The following SLC35F1 variants were observed in gnomAD, a reference collection of about 807,000 sequenced individuals.
SLC35F1 encodes the protein chromosome 6 open reading frame 169.
In SLC35F1, 14 loss-of-function variants were observed where a neutral mutation model predicts 48.7. The ratio of observed to expected loss-of-function variants is 0.29; its 90% CI spans 0.19 to 0.45. SLC35F1 has a LOEUF of 0.45. Among genes scored for constraint, SLC35F1 ranks in the 20% least tolerant of loss-of-function variants. The pLI is 1.00. For missense variants in SLC35F1, 404 were observed against 500.0 expected (o/e 0.81, Z 1.83); for synonymous variants, 190 against 202.2 (o/e 0.94, Z 0.51).
intron 1 of SLC35F1, among the ~76,000 whole-genome samples, chr6:118,111,901 A>G (rs1394204817): frequency 6.6e-6 from 1 of 152,146 alleles, no homozygotes; most frequent in Non-Finnish European, 1.5e-5. Context: ...GGCTAGGAAT[A>G]TGAGGCTGGG....
intron 3 of SLC35F1, 138 bp from the exon 4 acceptor site, chr6:118,266,848 TAAGTACATC>T (rs1775779708): frequency 2.6e-6 from 2 of 759,938 alleles, no homozygotes; most frequent in African/African-American, 1.7e-5. Flanking sequence ...GAGTCTGTTT[TAAGTACATC>T]AAGTCTGGGT....
intron 1 of SLC35F1, among the ~76,000 whole-genome samples, chr6:118,040,013 T>A (rs939113414): frequency 2.0e-5 from 3 of 152,134 alleles, no homozygotes; most frequent in Admixed American, 6.6e-5. Context: ...GTGGTTCAAA[T>A]CTCAGTTCAG....
chr6:118,228,177 A>G (rs555263539), intron 2 of SLC35F1, among the ~76,000 whole-genome samples: 2 of 152,214 alleles, frequency 1.3e-5, no homozygotes, highest in Admixed American at 6.5e-5. Context: ...AAATTTATTT[A>G]TCTTTTCTGT....
intron 1 of SLC35F1, among the ~76,000 whole-genome samples, chr6:118,152,687 T>A (rs532412779): frequency 1.3e-5 from 2 of 152,074 alleles, no homozygotes; most frequent in South Asian, 4.2e-4. Context: ...GGCCCAGAAG[T>A]CACATGACAT....
rs1270270329 is a variant in SLC35F1 at position 117,958,372 on chromosome 6, A to G, written c.173+50473A>G. On this transcript the variant is annotated intron_variant, in intron 1 of 7. Transcript: ENST00000360388. ...AATAAATGTAGTATAGCCTAAATGA[A>G]TCACGCTTATGGTCTACAGCGGTGC... Among the ~76,000 whole-genome samples, 3 of 152,170 alleles carry G rather than the reference A, an allele frequency of 2.0e-5. No homozygotes were observed. In the East Asian group the frequency reaches 5.8e-4, roughly 29 times the overall value.
At chr6:118,067,071 GTAAA>G (rs2114286643) in intron 1 of SLC35F1, among the ~76,000 whole-genome samples, 1 of 152,234 alleles carries the variant, frequency 6.6e-6, no homozygotes, top group East Asian at 1.9e-4. Flanking sequence ...CTCTAAAGCA[GTAAA>G]GTTCAAACAT....
intron 1 of SLC35F1, among the ~76,000 whole-genome samples, chr6:118,054,274 C>A (rs1038713408): frequency 6.6e-6 from 1 of 152,046 alleles, no homozygotes; most frequent in African/African-American, 2.4e-5. Context: ...AGAGAGGGAG[C>A]CCTGGGAACA....
chr6:118,007,064 C>A (rs1350632955), intron 1 of SLC35F1, among the ~76,000 whole-genome samples: 1 of 149,848 alleles, frequency 6.7e-6, no homozygotes, highest in Non-Finnish European at 1.5e-5. Flanking sequence ...AATTCATTTT[C>A]TGTTGCTTAT....
intron 7 of SLC35F1, among the ~76,000 whole-genome samples, chr6:118,301,783 G>A (rs772742892): frequency 5.9e-5 from 9 of 152,228 alleles, no homozygotes; most frequent in African/African-American, 1.4e-4. Context: ...CACAACTGCC[G>A]TGGACATGGC....
intron 7 of SLC35F1, among the ~76,000 whole-genome samples, chr6:118,307,495 G>A (rs1382870363): frequency 6.6e-6 from 1 of 152,096 alleles, no homozygotes; most frequent in East Asian, 1.9e-4. Flanking sequence ...GAGAAATAAG[G>A]GACATGAGAA....
intron 2 of SLC35F1, among the ~76,000 whole-genome samples, chr6:118,183,393 TGAC>T (rs1330892307): frequency 6.6e-6 from 1 of 152,018 alleles, no homozygotes; most frequent in Non-Finnish European, 1.5e-5. Context: ...AAAGAAATAA[TGAC>T]GAGTTAATGG....
intron 2 of SLC35F1, among the ~76,000 whole-genome samples, chr6:118,170,627 G>A (rs1036476248): frequency 6.1e-4 from 92 of 152,044 alleles, no homozygotes; most frequent in African/African-American, 2.1e-3. Context: ...TTTTTATACA[G>A]ACAGGGTTTC....
intron 7 of SLC35F1, among the ~76,000 whole-genome samples, chr6:118,297,740 A>AAATATATATATATAATATATATAT (rs1562354896): frequency 3.2e-4 from 33 of 102,816 alleles, no homozygotes; most frequent in South Asian, 9.0e-4. Flanking sequence ...AAGTTCTGAG[A>AAATATATATATATAATATATATAT]AATATATATA....
rs977363111 is a variant in SLC35F1, at chr6:118,317,474, T to G, written c.*3222T>G. The G allele has an allele frequency of 6.6e-6, 1 of 152,116 alleles. No homozygotes were observed. Among genetic ancestry groups the G allele is most frequent in the Middle Eastern group, 3.2e-3 (1 of 316 alleles). The allele number at this position is 152,116 out of a possible 1,614,324, so 9.4% of individuals were successfully genotyped here. A position where few individuals can be genotyped will look rare whatever the true frequency, so the allele number is the denominator to read the frequency against. On this transcript the variant is annotated 3_prime_UTR_variant, in exon 8 of 8. Transcript: ENST00000360388. The stretch of plus-strand genomic sequence containing the variant: ...TACAGATTTTACCCCATGGGTAGGA[T>G]TCTATTGTTAAGCCACATAACAAAG...
intron 1 of SLC35F1, among the ~76,000 whole-genome samples, chr6:118,018,223 T>C (rs4945607): frequency 0.64 from 96,771 of 151,794 alleles, 32,903 homozygotes; most frequent in South Asian, 0.81. Context: ...ATACAAAAAT[T>C]AGCAGGGCGC....
intron 1 of SLC35F1, among the ~76,000 whole-genome samples, chr6:118,114,574 C>T (rs941131744): frequency 5.3e-5 from 8 of 151,798 alleles, no homozygotes; most frequent in Non-Finnish European, 5.9e-5. Context: ...GATGGGCTTT[C>T]CTCGTGTTAG....
intron 2 of SLC35F1, among the ~76,000 whole-genome samples, chr6:118,181,631 AC>A (rs1582715905): frequency 6.6e-6 from 1 of 152,104 alleles, no homozygotes; most frequent in African/African-American, 2.4e-5. Flanking sequence ...CAATGCACAA[AC>A]TTTTCCAGTT....
At chr6:117,995,698 A>T (rs1776976633) in intron 1 of SLC35F1, among the ~76,000 whole-genome samples, 1 of 151,996 alleles carries the variant, frequency 6.6e-6, no homozygotes, top group Non-Finnish European at 1.5e-5. Context: ...CCTAGATTGC[A>T]CCACTGCACT....
In SLC35F1 at chr6:118,290,992, A is replaced by G. The variant is rs528658212; in HGVS notation, c.1002+5654A>G. ...GTATTTTTAGTAGAGACGGATTTTC[A>G]CTATGTTGGCCAGCCTGGTCTCGAC... On this transcript the variant is annotated intron_variant, in intron 7 of 7. Transcript: ENST00000360388. Among the ~76,000 whole-genome samples the G allele has an allele frequency of 2.0e-5, 3 of 151,894 alleles. No individual in the cohort carries two copies. The South Asian group carries it at 6.3e-4, about 32-fold the overall frequency.
Sources: gnomAD v4.1 joint callset for allele counts (sites outside exome capture counted in the v4.1 genomes callset) on GRCh38, gnomAD v4.1.1 for gene constraint, MANE v1.5 for transcripts, NCBI Gene and HGNC (gene_info 2026-07-23, HGNC 2026-07-21) for gene names.